SYNDIG1: variants seen among roughly 807,000 people sequenced by gnomAD.
SYNDIG1 encodes the protein synapse differentiation inducing 1, also known as synapse differentiation-inducing gene protein 1.
In SYNDIG1, 9 loss-of-function variants were observed where a neutral mutation model predicts 19.4. That is an observed-to-expected ratio of 0.46 (90% CI 0.28 to 0.81). The LOEUF is 0.81. SYNDIG1 is among the 30% of genes least tolerant of loss of function. The pLI, the probability that SYNDIG1 is intolerant of heterozygous loss-of-function variation, is 0.12. For synonymous variants in SYNDIG1, 141 were observed against 145.9 expected (o/e 0.97, Z 0.24); for missense variants, 311 against 343.3 (o/e 0.91, Z 0.74).
chr20:24,603,546 C>T (rs2058710339), intron 3 of SYNDIG1, among the ~76,000 whole-genome samples: 1 of 152,114 alleles, frequency 6.6e-6, no homozygotes, highest in South Asian at 2.1e-4. Context: ...AAGTAAATCG[C>T]AGGACTTCAG....
intron 3 of SYNDIG1, among the ~76,000 whole-genome samples, chr20:24,611,813 A>C (rs1421820538): frequency 6.6e-6 from 1 of 152,220 alleles, no homozygotes; most frequent in Non-Finnish European, 1.5e-5. Context: ...AAGCTCAAGA[A>C]TCATAGGGAA....
chr20:24,517,802 T>G (rs1259826530), intron 1 of SYNDIG1, among the ~76,000 whole-genome samples: 7 of 143,564 alleles, frequency 4.9e-5, no homozygotes, highest in Non-Finnish European at 1.1e-4. Flanking sequence ...GAAAAAATAT[T>G]TTTTATATAT....
chr20:24,641,523 T>C (rs918785627), intron 3 of SYNDIG1, among the ~76,000 whole-genome samples: 2 of 152,198 alleles, frequency 1.3e-5, no homozygotes, highest in African/African-American at 4.8e-5. Flanking sequence ...GTATGGTGTT[T>C]GACATAAAGC....
intron 3 of SYNDIG1, among the ~76,000 whole-genome samples, chr20:24,617,984 G>T (rs1317436683): frequency 6.8e-6 from 1 of 146,250 alleles, no homozygotes; most frequent in Non-Finnish European, 1.5e-5. Context: ...CTGAAGTCTG[G>T]AGAGCGGGGA....
chr20:24,621,830 T>C (rs867651523), intron 3 of SYNDIG1, among the ~76,000 whole-genome samples: 1 of 152,168 alleles, frequency 6.6e-6, no homozygotes, highest in Admixed American at 6.5e-5. Context: ...GGAATCCAAA[T>C]GCCAAGAGAA....
chr20:24,487,973 A>G (rs1376581595), intron 1 of SYNDIG1, among the ~76,000 whole-genome samples: 2 of 152,222 alleles, frequency 1.3e-5, no homozygotes, highest in East Asian at 3.8e-4. Context: ...CTGCGGCTTC[A>G]TCAGTGACCC....
chr20:24,551,045 C>T (rs1039308561), intron 2 of SYNDIG1, among the ~76,000 whole-genome samples: 1 of 152,112 alleles, frequency 6.6e-6, no homozygotes, highest in Non-Finnish European at 1.5e-5. Context: ...GGAATTATTT[C>T]TCTCTTTATT....
chr20:24,626,365 G>T (rs752135106), intron 3 of SYNDIG1, among the ~76,000 whole-genome samples: 1 of 151,476 alleles, frequency 6.6e-6, no homozygotes, highest in Non-Finnish European at 1.5e-5. Flanking sequence ...CAGACAGGAC[G>T]GCCGGGCAGA....
At chr20:24,544,528 A>C (rs1400052204) in intron 2 of SYNDIG1, among the ~76,000 whole-genome samples, 11 of 152,212 alleles carry the variant, frequency 7.2e-5, no homozygotes, top group Admixed American at 5.2e-4. Flanking sequence ...GGAAATGTTC[A>C]GAATGGAAAA....
intron 1 of SYNDIG1, among the ~76,000 whole-genome samples, chr20:24,480,061 C>G (rs2055754360): frequency 6.6e-6 from 1 of 152,202 alleles, no homozygotes; most frequent in Admixed American, 6.5e-5. Context: ...CTGCAGTTGG[C>G]TACCTCTTGC....
chr20:24,490,259 T>G (rs2056108789), intron 1 of SYNDIG1, among the ~76,000 whole-genome samples: 1 of 152,246 alleles, frequency 6.6e-6, no homozygotes. Flanking sequence ...GAGTACTTTA[T>G]GTAAAGCTCG....
At chr20:24,495,028 C>T (rs1055343204) in intron 1 of SYNDIG1, among the ~76,000 whole-genome samples, 3 of 152,214 alleles carry the variant, frequency 2.0e-5, no homozygotes, top group Non-Finnish European at 4.4e-5. Flanking sequence ...GTTACAAGAA[C>T]AGTCACTAAT....
intron 3 of SYNDIG1, among the ~76,000 whole-genome samples, chr20:24,633,844 C>G (rs1006407742): frequency 6.6e-6 from 1 of 152,084 alleles, no homozygotes; most frequent in South Asian, 2.1e-4. Flanking sequence ...TAGGGGAGGC[C>G]GTGGTTCAGG....
At position 24,494,619 on chromosome 20, in the gene SYNDIG1, G is replaced by A. The variant is rs562105004; in HGVS notation, c.-79+24866G>A. On this transcript the variant is annotated intron_variant, in intron 1 of 3. Coordinates refer to ENST00000376862, the MANE Select transcript of SYNDIG1 (RefSeq NM_024893.3). ...CAGGATGCAGGGAACAGACCCCCCCGGGAGAGGTGCATGTGGCCGGGAGGG... is the reference window on the plus strand; with the variant it reads ...CAGGATGCAGGGAACAGACCCCCCCAGGAGAGGTGCATGTGGCCGGGAGGG... 1.2e-4 allele frequency among the ~76,000 whole-genome samples: 18 copies of A among 152,298 alleles called. No homozygotes were observed. In the South Asian group the frequency reaches 2.3e-3, roughly 19 times the overall value.
chr20:24,510,489 A>G (rs2056716459), intron 1 of SYNDIG1, among the ~76,000 whole-genome samples: 1 of 151,534 alleles, frequency 6.6e-6, no homozygotes, highest in Non-Finnish European at 1.5e-5. Flanking sequence ...GAATCTCTTG[A>G]ACCCGGGAGG....
chr20:24,654,261 AAATG>A (rs2147377620), intron 3 of SYNDIG1, among the ~76,000 whole-genome samples: 1 of 152,274 alleles, frequency 6.6e-6, no homozygotes, highest in South Asian at 2.1e-4. Flanking sequence ...GGAAAAAAAA[AAATG>A]AAACCTGAAC....
Position 24,584,875 on chromosome 20 carries a change from CAG to C in SYNDIG1, c.505_506del (p.Ser169Ter). On this transcript the variant is annotated frameshift_variant, in exon 3 of 4. Transcript: ENST00000376862. LOFTEE classifies it high-confidence loss of function. ...TTGCAGAGCGACTACTCAAGCGACA[CAG>C]AGAGTGAGGACAATTTCCTCATGAT... 1 of 1,614,166 alleles carries C rather than the reference CAG, an allele frequency of 6.2e-7. No individual in the cohort carries two copies. Among genetic ancestry groups the C allele is most frequent in the Non-Finnish European group, 8.5e-7 (1 of 1,180,044 alleles).
intron 3 of SYNDIG1, among the ~76,000 whole-genome samples, chr20:24,607,845 A>G (rs1436267021): frequency 1.3e-5 from 2 of 152,250 alleles, no homozygotes; most frequent in Non-Finnish European, 2.9e-5. Context: ...GGGTAAGTCA[A>G]GGGCAGTTAT....
At chr20:24,541,960 G>A in intron 1 of SYNDIG1, among the ~76,000 whole-genome samples, 1 of 152,120 alleles carries the variant, frequency 6.6e-6, no homozygotes, top group East Asian at 1.9e-4. Context: ...CCAGGCCCAG[G>A]GAAAGGCTCT....
Sources: allele counts gnomAD v4.1 joint callset (sites outside exome capture counted in the v4.1 genomes callset), GRCh38; gene constraint gnomAD v4.1.1; transcripts MANE v1.5; gene names NCBI Gene and HGNC (gene_info 2026-07-23, HGNC 2026-07-21).